Variants in ARID4A observed in about 807,000 individuals in gnomAD.
ARID4A encodes the protein AT-rich interactive domain-containing protein 4A.
In ARID4A, 39 loss-of-function variants were observed where a neutral mutation model predicts 148.6. That is an observed-to-expected ratio of 0.26 (90% CI 0.20 to 0.34). ARID4A has a LOEUF of 0.34. Among genes scored for constraint, ARID4A ranks in the 10% least tolerant of loss-of-function variants. The pLI, the probability that ARID4A is intolerant of heterozygous loss-of-function variation, is 1.00. For synonymous variants in ARID4A, 475 were observed against 481.2 expected, an observed-to-expected ratio of 0.99 and a Z score of 0.17; for missense variants, 1,265 against 1,449.1, an observed-to-expected ratio of 0.87 and a Z score of 2.06.
rs984439012 is a variant in ARID4A, at chr14:58,332,918, C to T, written c.906+2749C>T. Among the ~76,000 whole-genome samples, 6 of 152,242 alleles carry T rather than the reference C, an allele frequency of 3.9e-5. No homozygotes were observed. In the East Asian group the frequency reaches 1.2e-3, roughly 29 times the overall value. The stretch of plus-strand genomic sequence containing the variant: ...GCAAATTTTATGCAGTAGAATCATA[C>T]AAGTGTTAGATACTTCTGCAGTGTT... On this transcript the variant is annotated intron_variant, in intron 11 of 23. Coordinates refer to ENST00000355431, the MANE Select transcript of ARID4A (RefSeq NM_002892.4).
rs139221235 is a variant in ARID4A, at chr14:58,347,684, A to G, written c.1210A>G (p.Asn404Asp). The G allele has an allele frequency of 9.9e-6, 16 of 1,612,194 alleles. No homozygotes were observed. Among genetic ancestry groups the G allele is most frequent in the Middle Eastern group, 1.6e-4 (1 of 6,062 alleles). ...TTTTGAGGAGTACTGCCGTTCGGCA[A>G]ATATTCAGTTCAGAACTGTTCATCA... ...YGFEEYCRSANIQFRTVHHHE... is the reference protein window; with the variant it reads ...YGFEEYCRSADIQFRTVHHHE... Residue 404 changes from asparagine (N) to aspartate (D), a missense_variant, in exon 15 of 24, where the codon AAT (asparagine) becomes GAT (aspartate). This residue lies in a region of ARID4A where 205 missense variants were observed against 196.9 expected (regional missense o/e 1.04). Transcript: ENST00000355431.
intron 5 of ARID4A, among the ~76,000 whole-genome samples, chr14:58,310,795 T>C (rs2031968358): frequency 6.6e-6 from 1 of 150,650 alleles, no homozygotes; most frequent in African/African-American, 2.4e-5. Flanking sequence ...TCAAACTAAA[T>C]AGCTTCCACA....
chr14:58,317,749 T>G (rs2032563358), intron 5 of ARID4A, among the ~76,000 whole-genome samples: 1 of 141,562 alleles, frequency 7.1e-6, no homozygotes, highest in Non-Finnish European at 1.5e-5. Context: ...CGTTCCACCA[T>G]GGCCTCTCCA....
At chr14:58,325,658 A>G (rs1344190018) in intron 8 of ARID4A, among the ~76,000 whole-genome samples, 1 of 152,192 alleles carries the variant, frequency 6.6e-6, no homozygotes, top group Non-Finnish European at 1.5e-5. Context: ...CACAAAATGT[A>G]TCCCAAATTA....
At chr14:58,346,756 C>T (rs1024731417) in intron 13 of ARID4A, among the ~76,000 whole-genome samples, 2 of 150,532 alleles carry the variant, frequency 1.3e-5, no homozygotes, top group African/African-American at 4.9e-5. Context: ...GGCGAAACCC[C>T]ATCTCTACAG....
chr14:58,341,179 T>C (rs182463035), intron 11 of ARID4A, among the ~76,000 whole-genome samples: 74 of 152,342 alleles, frequency 4.9e-4, no homozygotes, highest in Non-Finnish European at 8.7e-4. Context: ...TGGACTGTTA[T>C]AATGGCTTCC....
intron 3 of ARID4A, among the ~76,000 whole-genome samples, chr14:58,302,909 G>A (rs1566662988): frequency 1.3e-5 from 2 of 152,152 alleles, no homozygotes; most frequent in Non-Finnish European, 2.9e-5. Flanking sequence ...GCAGTGAGCT[G>A]TGATTGTGCC....
intron 16 of ARID4A, among the ~76,000 whole-genome samples, chr14:58,352,132 A>T (rs2034668072): frequency 6.6e-6 from 1 of 152,174 alleles, no homozygotes; most frequent in Non-Finnish European, 1.5e-5. Context: ...TTATTATGTG[A>T]TATTAAATTT....
intron 19 of ARID4A, among the ~76,000 whole-genome samples, chr14:58,361,402 A>T (rs923771723): frequency 1.5e-4 from 23 of 152,224 alleles, no homozygotes; most frequent in Admixed American, 1.5e-3. Context: ...GTGTTATTTG[A>T]ACCATCAGAA....
rs749589265 is a variant in ARID4A, at chr14:58,353,851, G to A, written c.1849G>A (p.Val617Ile). 3.1e-6 allele frequency: 5 copies of A among 1,609,380 alleles called. No individual in the cohort carries two copies. The highest frequency in any genetic ancestry group is 4.2e-6 in the Non-Finnish European group (5 of 1,178,592). Residue 617 changes from valine (V) to isoleucine (I), a missense_variant, in exon 17 of 24, where the codon GTC becomes ATC. Transcript: ENST00000355431. Reference sequence around the variant, plus strand: ...TTTGGTACATTACTATGGATGGAATGTCAGGTAAGCAAGAAACTATTTTCT... The same window carrying A: ...TTTGGTACATTACTATGGATGGAATATCAGGTAAGCAAGAAACTATTTTCT... The part of the protein sequence containing the change: ...LYLVHYYGWN[V>I]RYDEWVKADR...
At chr14:58,369,697 T>A (rs138586238) in intron 23 of ARID4A, among the ~76,000 whole-genome samples, 3,148 of 150,950 alleles carry the variant, frequency 0.021, 49 homozygotes, top group Middle Eastern at 0.043. Flanking sequence ...CAGAACAGCA[T>A]CAAGAGTCTT....
rs2035019521 is a variant in ARID4A at position 58,359,141 on chromosome 14, G to A, written c.1863G>A (p.Glu621=). The change falls in exon 18 of 24, where the codon GAG becomes GAA. Residue 621 remains glutamate, a synonymous_variant. Coordinates refer to ENST00000355431, the MANE Select transcript of ARID4A (RefSeq NM_002892.4). ...TTTTTTTTTTTTTAAGGTATGATGAGTGGGTGAAGGCTGACAGGATAATCT... is the reference window on the plus strand; with the variant it reads ...TTTTTTTTTTTTTAAGGTATGATGAATGGGTGAAGGCTGACAGGATAATCT... ...HYYGWNVRYD[E]WVKADRIIWP... is the part of the protein sequence containing the mutation. 1.3e-6 allele frequency: 2 copies of A among 1,538,454 alleles called. No individual in the cohort carries two copies. The highest frequency in any genetic ancestry group is 1.2e-5 in the South Asian group (1 of 83,360).
intron 7 of ARID4A, among the ~76,000 whole-genome samples, chr14:58,322,977 A>AT (rs2032992883): frequency 3.5e-5 from 5 of 143,634 alleles, no homozygotes; most frequent in South Asian, 4.4e-4. Context: ...AAAAAAAAAA[A>AT]AAAATATATA....
At chr14:58,360,571 G>C (rs1391680697) in intron 18 of ARID4A, among the ~76,000 whole-genome samples, 2 of 152,184 alleles carry the variant, frequency 1.3e-5, no homozygotes, top group South Asian at 2.1e-4. Context: ...GTGCGGAATA[G>C]TTGTATAGTC....
intron 5 of ARID4A, 76 bp downstream of exon 5, chr14:58,306,188 AT>A: frequency 9.8e-7 from 1 of 1,022,278 alleles, no homozygotes; most frequent in East Asian, 2.4e-5. Context: ...ACACTGAATC[AT>A]TGTGTTGGTG....
chr14:58,308,337 A>G (rs1265225915), intron 5 of ARID4A, among the ~76,000 whole-genome samples: 1 of 152,250 alleles, frequency 6.6e-6, no homozygotes, highest in Admixed American at 6.5e-5. Flanking sequence ...GAGGACCCCA[A>G]GCCTCTCCAA....
rs1160002561 is a variant in ARID4A, at chr14:58,365,051, C to G, written c.2962C>G (p.Leu988Val). 1.9e-6 allele frequency: 3 copies of G among 1,614,044 alleles called. No individual in the cohort carries two copies. The change falls in exon 20 of 24, where the codon CTT (leucine) becomes GTT (valine). Residue 988 changes from leucine (L) to valine (V), a missense_variant. Leu to Val is a conservative substitution (Grantham distance 32). Transcript: ENST00000355431. ...VAVESSESNS[L>V]VSIPPALPPV... ...AGTTGAAAGCTCTGAGTCTAACTCT[C>G]TTGTTTCTATTCCACCTGCCCTACC...
At position 58,364,905 on chromosome 14, in the gene ARID4A, A is replaced by G. The variant is rs1425236509; in HGVS notation, c.2816A>G (p.Asn939Ser). ...GATAGTCCAGCTGAAGAAACTGTAA[A>G]TATTCCACTAAAAGAAGATGAGGAT... ...RFDSPAEETV[N>S]IPLKEDEDAM... The change falls in exon 20 of 24, where the codon AAT becomes AGT. Residue 939 changes from asparagine to serine, a missense_variant. Physicochemically the swap from Asn to Ser is conservative, Grantham distance 46 (BLOSUM62 1). This residue lies in a region of ARID4A where 666 missense variants were observed against 730.9 expected (regional missense o/e 0.91). Transcript: ENST00000355431. The G allele has an allele frequency of 6.2e-7, 1 of 1,614,144 alleles. No homozygotes were observed. The highest frequency in any genetic ancestry group is 1.1e-5 in the South Asian group (1 of 91,076).
At chr14:58,363,739 T>C (rs961699092) in intron 19 of ARID4A, among the ~76,000 whole-genome samples, 2 of 152,094 alleles carry the variant, frequency 1.3e-5, no homozygotes, top group African/African-American at 2.4e-5. Flanking sequence ...CTTTCCACAG[T>C]TATTTTAAGT....
Sources: gnomAD v4.1 joint callset for allele counts (sites outside exome capture counted in the v4.1 genomes callset) on GRCh38, gnomAD v4.1.1 for gene constraint, gnomAD v4.1.1 regional missense constraint, MANE v1.5 for transcripts, NCBI Gene and HGNC (gene_info 2026-07-23, HGNC 2026-07-21) for gene names.